Variants in USP9X observed in about 807,000 individuals in gnomAD.
The protein encoded by USP9X is ubiquitin specific peptidase 9 X-linked, also known as ubiquitin carboxyl-terminal hydrolase 9X.
A neutral mutation model predicts 190.3 loss-of-function variants in USP9X; 7 were observed. The observed-to-expected ratio is 0.04, with a 90% confidence interval of 0.02 to 0.07. The LOEUF (loss-of-function observed/expected upper bound fraction) is 0.07, where lower values mean the gene tolerates loss of function less well. USP9X is among the 10% of genes least tolerant of loss of function. USP9X has a pLI of 1.00. For missense variants in USP9X, 1,010 were observed against 1,916.9 expected, an observed-to-expected ratio of 0.53 and a Z score of 8.83; for synonymous variants, 645 against 659.5, an observed-to-expected ratio of 0.98 and a Z score of 0.34.
intron 11 of USP9X, among the ~76,000 whole-genome samples, chrX:41,147,450 G>GTTTTTT (rs760854080): frequency 1.4e-5 from 1 of 69,766 alleles, no homozygotes; most frequent in Non-Finnish European, 2.6e-5. Flanking sequence ...CTTAATCGTT[G>GTTTTTT]TTTTTTTTTT....
chrX:41,139,193 T>C (rs2062400929), intron 6 of USP9X, among the ~76,000 whole-genome samples: 1 of 112,482 alleles, frequency 8.9e-6, no homozygotes, highest in Non-Finnish European at 1.9e-5. Context: ...GAGCATGTAC[T>C]TTCTTACAAT....
chrX:41,217,473 C>A (rs1602047417), intron 36 of USP9X, 130 bp downstream of exon 36: 2 of 752,110 alleles, frequency 2.7e-6, no homozygotes, highest in East Asian at 7.1e-5. Flanking sequence ...AACTCTGGGT[C>A]ACAATAGAGA....
chrX:41,146,269 G>A (rs1191161426), intron 11 of USP9X, among the ~76,000 whole-genome samples: 1 of 111,930 alleles, frequency 8.9e-6, no homozygotes, highest in Non-Finnish European at 1.9e-5. Context: ...TGTTTATTGA[G>A]CACTTGTCAT....
intron 38 of USP9X, among the ~76,000 whole-genome samples, chrX:41,220,413 T>C (rs1189993756): frequency 8.9e-6 from 1 of 112,251 alleles, no homozygotes; most frequent in African/African-American, 3.2e-5. Flanking sequence ...TAAACCTTAA[T>C]ATGAAGTCCT....
intron 1 of USP9X, among the ~76,000 whole-genome samples, chrX:41,110,733 T>C (rs2062103075): frequency 8.9e-6 from 1 of 112,143 alleles, no homozygotes; most frequent in African/African-American, 3.2e-5. Context: ...TGCACTAGTA[T>C]TGAAGTTGGG....
chrX:41,211,937 G>A (rs1434092091), intron 33 of USP9X, among the ~76,000 whole-genome samples: 1 of 112,626 alleles, frequency 8.9e-6, no homozygotes, highest in Admixed American at 9.2e-5. Flanking sequence ...CCCTCTGCCC[G>A]GCCACCACCC....
At chrX:41,161,292 T>C (rs1162689972) in intron 14 of USP9X, among the ~76,000 whole-genome samples, 1 of 105,643 alleles carries the variant, frequency 9.5e-6, no homozygotes, top group Admixed American at 1.0e-4. Flanking sequence ...TGTAAACAAT[T>C]GGTGAATACA....
chrX:41,223,183 T>C, intron 38 of USP9X, 34 bp from the exon 39 acceptor site: 1 of 1,182,329 alleles, frequency 8.5e-7, no homozygotes, highest in Non-Finnish European at 1.1e-6. Flanking sequence ...TTTCTCCCTC[T>C]CTTTCTTCTC....
At chrX:41,102,938 G>A (rs757868516) in intron 1 of USP9X, among the ~76,000 whole-genome samples, 1 of 110,844 alleles carries the variant, frequency 9.0e-6, no homozygotes. Context: ...GATTATAGGC[G>A]CCCGCCACCA....
intron 14 of USP9X, among the ~76,000 whole-genome samples, chrX:41,155,273 T>C (rs1470058232): frequency 8.9e-6 from 1 of 112,138 alleles, no homozygotes; most frequent in African/African-American, 3.2e-5. Context: ...AGAATGAACT[T>C]AGTAAAATTC....
intron 2 of USP9X, among the ~76,000 whole-genome samples, chrX:41,125,317 G>A (rs769923351): frequency 1.8e-5 from 2 of 108,977 alleles, no homozygotes; most frequent in South Asian, 4.0e-4. Flanking sequence ...CTTGTGATCC[G>A]CCTGCCTTGG....
In USP9X at chrX:41,210,608, A is replaced by G. The variant is rs201109677; in HGVS notation, c.5115A>G (p.Gly1705=). The G allele has an allele frequency of 3.3e-6, 4 of 1,211,333 alleles. No individual in the cohort carries two copies. Among genetic ancestry groups the G allele is most frequent in the Non-Finnish European group, 4.5e-6 (4 of 895,475 alleles). The change falls in exon 33 of 45, where the codon GGA becomes GGG. Residue 1705 remains glycine, a synonymous_variant. Coordinates refer to ENST00000378308, the MANE Select transcript of USP9X (RefSeq NM_001039591.3). ...TAGATGAAGCTTTAAAAGCTTTAGG[A>G]CATCCAGCTATGCTAAGTAAAGTCT... The part of the protein sequence containing the change: ...DSLDEALKAL[G]HPAMLSKVLG...
intron 31 of USP9X, among the ~76,000 whole-genome samples, chrX:41,204,651 C>T (rs965534055): frequency 4.5e-5 from 5 of 111,427 alleles, no homozygotes; most frequent in African/African-American, 9.8e-5. Flanking sequence ...ATTATAATGT[C>T]GTATTTTTAC....
chrX:41,106,794 G>A (rs1367961165), intron 1 of USP9X, among the ~76,000 whole-genome samples: 2 of 109,313 alleles, frequency 1.8e-5, no homozygotes, highest in African/African-American at 6.7e-5. Context: ...GCCTCCCAAA[G>A]TGCTGGGATT....
intron 41 of USP9X, among the ~76,000 whole-genome samples, chrX:41,225,808 A>G (rs757921142): frequency 2.8e-4 from 32 of 113,016 alleles, no homozygotes; most frequent in Admixed American, 2.2e-3. Flanking sequence ...AAGCTTCTCA[A>G]TGCATTCTGC....
intron 2 of USP9X, among the ~76,000 whole-genome samples, chrX:41,128,454 T>G (rs2062276007): frequency 8.9e-6 from 1 of 111,779 alleles, no homozygotes; most frequent in African/African-American, 3.2e-5. Flanking sequence ...ATTAGGTTGT[T>G]GAGGATTAGA....
Position 41,162,039 on chromosome X carries a change from C to CT in USP9X, c.1898-745dup, listed in dbSNP as rs758011676. 8.1e-5 allele frequency among the ~76,000 whole-genome samples: 9 copies of CT among 111,406 alleles called. No homozygotes were observed. In the South Asian group the frequency reaches 1.9e-3, roughly 23 times the overall value. The stretch of plus-strand genomic sequence containing the variant: ...AGTAGTTTGGTCGTAATATATGGGG[C>CT]TTTTTTCTTTACCAAAGCATCAAAA... On this transcript the variant is annotated intron_variant, in intron 14 of 44. Coordinates refer to ENST00000378308, the MANE Select transcript of USP9X (RefSeq NM_001039591.3).
Position 41,129,128 on chromosome X carries a change from G to A in USP9X, c.225G>A (p.Leu75=). The A allele has an allele frequency of 8.3e-7, 1 of 1,209,057 alleles. No individual in the cohort carries two copies. The highest frequency in any genetic ancestry group is 1.8e-5 in the South Asian group (1 of 56,030). The part of the protein sequence containing the change: ...PAFPHTDLAK[L]DDMINRPRWV... ...TTCCACATACTGACTTGGCCAAGTTGGATGACATGATCAACAGGTGAGTTG... is the reference window on the plus strand; with the variant it reads ...TTCCACATACTGACTTGGCCAAGTTAGATGACATGATCAACAGGTGAGTTG... Residue 75 remains leucine (L), a synonymous_variant, in exon 3 of 45, where the codon TTG becomes TTA. Coordinates refer to ENST00000378308, the MANE Select transcript of USP9X (RefSeq NM_001039591.3).
At position 41,224,794 on chromosome X, in the gene USP9X, A is replaced by C; in HGVS notation, c.6804A>C (p.Ile2268=). The C allele has an allele frequency of 8.3e-7, 1 of 1,211,560 alleles. No homozygotes were observed. The highest frequency in any genetic ancestry group is 1.1e-6 in the Non-Finnish European group (1 of 895,405). The part of the protein sequence containing the change: ...PFGDPNLSQP[I]MPIQQNVADI... ...GTGATCCTAATTTATCACAACCTATAATGCCAATTCAGCAGAATGTGGCAG... is the reference window on the plus strand; with the variant it reads ...GTGATCCTAATTTATCACAACCTATCATGCCAATTCAGCAGAATGTGGCAG... The change falls in exon 40 of 45, where the codon ATA becomes ATC. Residue 2268 remains isoleucine, a synonymous_variant. Coordinates refer to ENST00000378308, the MANE Select transcript of USP9X (RefSeq NM_001039591.3).
Sources: gnomAD v4.1 joint callset for allele counts (sites outside exome capture counted in the v4.1 genomes callset) on GRCh38, gnomAD v4.1.1 for gene constraint, MANE v1.5 for transcripts, NCBI Gene and HGNC (gene_info 2026-07-23, HGNC 2026-07-21) for gene names.